The following FMN1 variants were observed in gnomAD, a reference collection of about 807,000 sequenced individuals.
FMN1 encodes the protein formin-1.
FMN1 carries 110 observed loss-of-function variants against 132.4 expected under a neutral mutation model. That is an observed-to-expected ratio of 0.83 (90% CI 0.71 to 0.97). The LOEUF (loss-of-function observed/expected upper bound fraction) is 0.97, where lower values mean the gene tolerates loss of function less well. FMN1 is among the 50% of genes least tolerant of loss of function. The pLI is 0.00. For missense variants in FMN1, 1,792 were observed against 1,705.3 expected (o/e 1.05, Z -0.90); for synonymous variants, 722 against 651.7 (o/e 1.11, Z -1.64).
At chr15:32,872,843 T>A (rs1407839266) in intron 16 of FMN1, among the ~76,000 whole-genome samples, 1 of 152,170 alleles carries the variant, frequency 6.6e-6, no homozygotes, top group African/African-American at 2.4e-5. Context: ...GTTAGTCACA[T>A]TAACTGTAAT....
intron 6 of FMN1, among the ~76,000 whole-genome samples, chr15:33,042,970 T>C (rs71462842): frequency 0.025 from 3,743 of 152,038 alleles, 62 homozygotes; most frequent in African/African-American, 0.03. Context: ...AAACAAATAA[T>C]GGAAGCGAAA....
chr15:32,873,983 G>A (rs565591444), intron 16 of FMN1, among the ~76,000 whole-genome samples: 2 of 147,520 alleles, frequency 1.4e-5, no homozygotes, highest in East Asian at 4.0e-4. Context: ...TAATGAATAC[G>A]CCATTGGTTA....
At chr15:33,061,366 G>A (rs545572475) in intron 6 of FMN1, among the ~76,000 whole-genome samples, 9 of 151,956 alleles carry the variant, frequency 5.9e-5, no homozygotes, top group Non-Finnish European at 1.3e-4. Flanking sequence ...TCCATATCAT[G>A]TATTTATCTT....
chr15:32,984,443 T>C (rs1377278203), intron 7 of FMN1, among the ~76,000 whole-genome samples: 2 of 152,140 alleles, frequency 1.3e-5, no homozygotes, highest in African/African-American at 4.8e-5. Context: ...CTGCAAATTC[T>C]CCCTCAGGTT....
intron 9 of FMN1, among the ~76,000 whole-genome samples, chr15:32,957,817 T>C (rs1393071676): frequency 1.3e-5 from 2 of 152,100 alleles, no homozygotes; most frequent in Non-Finnish European, 2.9e-5. Flanking sequence ...TGTGAGAAGG[T>C]TAAATGACTT....
intron 4 of FMN1, among the ~76,000 whole-genome samples, chr15:33,123,493 TTAAG>T (rs1595524181): frequency 6.6e-6 from 1 of 152,170 alleles, no homozygotes; most frequent in Admixed American, 6.5e-5. Context: ...TCATAGCATA[TTAAG>T]TAATAAATAT....
At chr15:33,130,039 G>A (rs1304086596) in intron 4 of FMN1, among the ~76,000 whole-genome samples, 9 of 151,980 alleles carry the variant, frequency 5.9e-5, no homozygotes, top group Non-Finnish European at 8.8e-5. Flanking sequence ...ACCTGCCTTG[G>A]TGATCCACCT....
chr15:33,097,385 C>T lies in FMN1; in HGVS notation c.1868-8411G>A, dbSNP rs1266955222. Among the ~76,000 whole-genome samples the T allele has an allele frequency of 2.6e-5, 4 of 151,442 alleles. No homozygotes were observed. The East Asian group carries it at 7.7e-4, about 29-fold the overall frequency. ...TAAAGAAGTATTGGCTTCAATTTTC[C>T]AAATTTGAAGAAAATTATTAACCCA... On this transcript the variant is annotated intron_variant, in intron 4 of 20. Transcript: ENST00000616417.
Position 32,776,918 on chromosome 15 carries a change from A to C in FMN1, c.4132T>G (p.Leu1378Val). Residue 1378 changes from leucine (L) to valine (V), a missense_variant and splice_region_variant, in exon 20 of 21, where the codon TTG becomes GTG. Coordinates refer to ENST00000616417, the MANE Select transcript of FMN1 (RefSeq NM_001277313.2). ...RESKNISKER[L>V]KMAQESVSKL... ...CTGACTGATTCCTGAGCCATTTTCAATCTGAAATAGAAATAGGGAAAAGAC... is the reference window on the plus strand; with the variant it reads ...CTGACTGATTCCTGAGCCATTTTCACTCTGAAATAGAAATAGGGAAAAGAC... The C allele has an allele frequency of 6.4e-7, 1 of 1,571,576 alleles. No individual in the cohort carries two copies. Among genetic ancestry groups the C allele is most frequent in the Non-Finnish European group, 8.7e-7 (1 of 1,150,940 alleles).
At chr15:32,776,751 G>A in intron 20 of FMN1, 84 bp downstream of exon 20, 1 of 696,398 alleles carries the variant, frequency 1.4e-6, no homozygotes, top group Non-Finnish European at 2.5e-6. Flanking sequence ...TGGATACTAT[G>A]TTTCATCTCT....
At chr15:33,096,747 C>A (rs2039100234) in intron 4 of FMN1, among the ~76,000 whole-genome samples, 1 of 152,112 alleles carries the variant, frequency 6.6e-6, no homozygotes, top group South Asian at 2.1e-4. Flanking sequence ...GCTGGGACCA[C>A]ATGCACCACC....
At chr15:33,089,798 C>T (rs2038840131) in intron 4 of FMN1, among the ~76,000 whole-genome samples, 2 of 152,166 alleles carry the variant, frequency 1.3e-5, no homozygotes, top group African/African-American at 4.8e-5. Context: ...ACACTATGGC[C>T]TCTGCCTGAC....
At chr15:32,874,280 C>A (rs1209178866) in intron 16 of FMN1, among the ~76,000 whole-genome samples, 1 of 151,920 alleles carries the variant, frequency 6.6e-6, no homozygotes, top group African/African-American at 2.4e-5. Flanking sequence ...CTCGGCCTCC[C>A]AAAGTGCTGG....
chr15:33,011,991 A>G (rs1025778949), intron 6 of FMN1: 22 of 233,942 alleles, frequency 9.4e-5, no homozygotes, highest in Non-Finnish European at 1.9e-4. Context: ...TAATAAAGTT[A>G]AAGATATTAA....
intron 7 of FMN1, among the ~76,000 whole-genome samples, chr15:32,997,748 A>G (rs747349): frequency 0.24 from 35,934 of 151,954 alleles, 4,351 homozygotes; most frequent in Admixed American, 0.25. Flanking sequence ...ACCATACCCA[A>G]TTTTTTACAC....
intron 6 of FMN1, among the ~76,000 whole-genome samples, chr15:33,017,371 G>A (rs1327330312): frequency 2.0e-5 from 3 of 152,140 alleles, no homozygotes; most frequent in Non-Finnish European, 2.9e-5. Context: ...AATGGAGAAT[G>A]CTAATACTAA....
At chr15:33,086,736 T>TTTA (rs1194788594) in intron 5 of FMN1, among the ~76,000 whole-genome samples, 22 of 152,224 alleles carry the variant, frequency 1.4e-4, no homozygotes, top group Admixed American at 1.2e-3. Flanking sequence ...GACGCACAAC[T>TTTA]TTATATATGG....
intron 3 of FMN1, among the ~76,000 whole-genome samples, chr15:33,178,525 C>A (rs769467982): frequency 1.1e-4 from 16 of 152,198 alleles, no homozygotes; most frequent in Non-Finnish European, 2.1e-4. Context: ...CTTTTGGTTT[C>A]CTTGAGGCCT....
At chr15:32,894,205 C>T (rs762066138) in intron 15 of FMN1, among the ~76,000 whole-genome samples, 38 of 152,106 alleles carry the variant, frequency 2.5e-4, no homozygotes, top group Non-Finnish European at 4.4e-4. Flanking sequence ...GAGACAATGG[C>T]CAGGTATGGT....
Sources: allele counts gnomAD v4.1 joint callset (sites outside exome capture counted in the v4.1 genomes callset), GRCh38; gene constraint gnomAD v4.1.1; transcripts MANE v1.5; gene names NCBI Gene and HGNC (gene_info 2026-07-23, HGNC 2026-07-21).